Variants in SLC14A2 observed in about 807,000 individuals in gnomAD.
The protein encoded by SLC14A2 is urea transporter 2.
SLC14A2 carries 91 observed loss-of-function variants against 104.6 expected under a neutral mutation model. That is an observed-to-expected ratio of 0.87 (90% CI 0.73 to 1.04). The LOEUF (loss-of-function observed/expected upper bound fraction) is 1.04, where lower values mean the gene tolerates loss of function less well. SLC14A2 is among the 50% of genes least tolerant of loss of function. The probability of loss-of-function intolerance (pLI) is 0.00; values close to 1 mark genes in which losing one functional copy is unlikely to be tolerated. For synonymous variants in SLC14A2, 476 were observed against 466.4 expected (o/e 1.02, Z -0.27); for missense variants, 1,189 against 1,156.0 (o/e 1.03, Z -0.41).
chr18:45,627,040 C>T lies in SLC14A2; in HGVS notation c.414C>T (p.Gly138=). The part of the protein sequence containing the change: ...QVMFINNPLS[G]LIIFIGLLIQ... ...TGTTCATCAACAATCCTCTCAGCGG[C>T]CTCATCATCTTCATAGGGCTGCTGA... is the stretch of plus-strand genomic sequence containing the variant. Residue 138 remains glycine, a synonymous_variant, in exon 4 of 20, where the codon GGC becomes GGT. Coordinates refer to ENST00000255226, the MANE Select transcript of SLC14A2 (RefSeq NM_007163.4). The T allele has an allele frequency of 6.2e-7, 1 of 1,613,612 alleles. No homozygotes were observed. The highest frequency in any genetic ancestry group is 8.5e-7 in the Non-Finnish European group (1 of 1,179,954).
intron 2 of SLC14A2, among the ~76,000 whole-genome samples, chr18:45,589,116 G>A (rs539371006): frequency 6.6e-6 from 1 of 152,330 alleles, no homozygotes; most frequent in East Asian, 1.9e-4. Context: ...ATTTATGGCA[G>A]ATCATAACAT....
At chr18:45,472,775 A>G (rs1006493699) in intron 1 of SLC14A2, among the ~76,000 whole-genome samples, 1 of 152,166 alleles carries the variant, frequency 6.6e-6, no homozygotes, top group Admixed American at 6.5e-5. Context: ...TCTGGATATT[A>G]GCCCTTTGTC....
chr18:45,531,192 T>G (rs2043679777), intron 2 of SLC14A2, among the ~76,000 whole-genome samples: 1 of 152,236 alleles, frequency 6.6e-6, no homozygotes, highest in East Asian at 1.9e-4. Flanking sequence ...CAGTGTGATT[T>G]ATAATCCTTT....
At chr18:45,201,925 T>G in the SLC14A2 span, among the ~76,000 whole-genome samples, 1 of 152,268 alleles carries the variant, frequency 6.6e-6, no homozygotes, top group East Asian at 1.9e-4. Context: ...ACACAGAATT[T>G]CACCCTTAAT....
At chr18:45,243,239 T>C (rs1327712818) in intron 1 of SLC14A2, among the ~76,000 whole-genome samples, 1 of 152,226 alleles carries the variant, frequency 6.6e-6, no homozygotes, top group East Asian at 1.9e-4. Context: ...TAATGAATAA[T>C]AGTCACGATT....
rs139864264 is a variant in SLC14A2, at chr18:45,466,180, T to G, written c.-124-17053T>G. Among the ~76,000 whole-genome samples the G allele has an allele frequency of 4.6e-5, 7 of 152,182 alleles. No homozygotes were observed. In the East Asian group the frequency reaches 1.4e-3, roughly 30 times the overall value. On this transcript the variant is annotated intron_variant, in intron 1 of 20. Coordinates refer to the SLC14A2 transcript ENST00000586448. The stretch of plus-strand genomic sequence containing the variant: ...TCACAGTTGATCGTTTTGCACTAAT[T>G]TACACAGATTTATTCATGTATTATA...
At chr18:45,496,577 C>A (rs796903288) in intron 2 of SLC14A2, among the ~76,000 whole-genome samples, 6 of 152,296 alleles carry the variant, frequency 3.9e-5, no homozygotes, top group African/African-American at 1.4e-4. Context: ...GCCAGCCTGG[C>A]AAACATGGTG....
intron 1 of SLC14A2, among the ~76,000 whole-genome samples, chr18:45,391,707 G>T (rs1291657034): frequency 6.6e-6 from 1 of 152,094 alleles, no homozygotes; most frequent in East Asian, 1.9e-4. Context: ...TGTGTCTTTT[G>T]GCTGTATAAA....
In SLC14A2 at chr18:45,265,381, A is replaced by G. The variant is rs2084581790; in HGVS notation, c.-125+52190A>G. On this transcript the variant is annotated intron_variant, in intron 1 of 20. Coordinates refer to the SLC14A2 transcript ENST00000586448. ...AACAATTAAATGGGCCATCTTGTAGAGTTATGATCCTCATTACTGGAAATC... is the reference window on the plus strand; with the variant it reads ...AACAATTAAATGGGCCATCTTGTAGGGTTATGATCCTCATTACTGGAAATC... Among the ~76,000 whole-genome samples the G allele has an allele frequency of 2.6e-5, 4 of 152,210 alleles. No individual in the cohort carries two copies. In the South Asian group the frequency reaches 8.3e-4, roughly 32 times the overall value.
At chr18:45,333,249 C>T (rs956425282) in intron 1 of SLC14A2, among the ~76,000 whole-genome samples, 13 of 151,878 alleles carry the variant, frequency 8.6e-5, no homozygotes, top group South Asian at 4.2e-4. Context: ...GAGTCTGGAA[C>T]CCAGAGATGA....
intron 1 of SLC14A2, among the ~76,000 whole-genome samples, chr18:45,259,973 G>C (rs894332208): frequency 1.3e-5 from 2 of 151,984 alleles, no homozygotes; most frequent in African/African-American, 4.8e-5. Context: ...TGATTTTTTT[G>C]GTAGAGGGGG....
At chr18:45,404,594 G>A (rs1226660636) in intron 1 of SLC14A2, among the ~76,000 whole-genome samples, 1 of 152,176 alleles carries the variant, frequency 6.6e-6, no homozygotes, top group Admixed American at 6.5e-5. Flanking sequence ...ATCTTCCCAA[G>A]GCACATACCC....
intron 2 of SLC14A2, among the ~76,000 whole-genome samples, chr18:45,605,506 A>G (rs1420978244): frequency 3.3e-5 from 5 of 152,300 alleles, no homozygotes; most frequent in African/African-American, 1.2e-4. Context: ...GATGGGATTC[A>G]ATGATTAGAT....
At chr18:45,527,215 G>A (rs2043605676) in intron 2 of SLC14A2, among the ~76,000 whole-genome samples, 1 of 152,122 alleles carries the variant, frequency 6.6e-6, no homozygotes, top group South Asian at 2.1e-4. Flanking sequence ...GAGAAGCGTT[G>A]GGATGGCAGA....
rs1017950102 is a variant in SLC14A2 at position 45,306,900 on chromosome 18, T to C, written c.-125+93709T>C. On this transcript the variant is annotated intron_variant, in intron 1 of 20. Transcript: ENST00000586448. ...CACAAGAACCATCTGTTCTCATTTT[T>C]TTCTCTCCTCTTAATCCCTCACCTC... Among the ~76,000 whole-genome samples the C allele has an allele frequency of 2.6e-5, 4 of 152,272 alleles. No homozygotes were observed. In the South Asian group the frequency reaches 6.2e-4, roughly 24 times the overall value.
At chr18:45,317,176 G>A (rs994701711) in intron 1 of SLC14A2, among the ~76,000 whole-genome samples, 13 of 152,222 alleles carry the variant, frequency 8.5e-5, no homozygotes, top group Non-Finnish European at 1.9e-4. Context: ...TCAGTGGGAA[G>A]ATGAAGCACT....
intron 1 of SLC14A2, among the ~76,000 whole-genome samples, chr18:45,241,660 T>A (rs1223165602): frequency 8.2e-6 from 1 of 121,570 alleles, no homozygotes; most frequent in Admixed American, 7.9e-5. Flanking sequence ...TTTTTTTTTT[T>A]GAAATGGAGT....
chr18:45,383,808 C>T (rs1266643257), intron 1 of SLC14A2, among the ~76,000 whole-genome samples: 3 of 152,100 alleles, frequency 2.0e-5, no homozygotes, highest in African/African-American at 7.2e-5. Flanking sequence ...GCATGGCTGC[C>T]CTGGGCTCTG....
chr18:45,596,004 G>T (rs991145068), intron 2 of SLC14A2, among the ~76,000 whole-genome samples: 1 of 152,160 alleles, frequency 6.6e-6, no homozygotes, highest in Non-Finnish European at 1.5e-5. Flanking sequence ...GAGTGGTACG[G>T]ACTTCATCCA....
Sources: gnomAD v4.1 joint callset for allele counts (sites outside exome capture counted in the v4.1 genomes callset) on GRCh38, gnomAD v4.1.1 for gene constraint, MANE v1.5 for transcripts, NCBI Gene and HGNC (gene_info 2026-07-23, HGNC 2026-07-21) for gene names.